PLCL1: variants seen among roughly 807,000 people sequenced by gnomAD.
PLCL1 encodes the protein inactive phospholipase C-like protein 1.
In PLCL1, 41 loss-of-function variants were observed where a neutral mutation model predicts 84.4. The ratio of observed to expected loss-of-function variants is 0.49; its 90% CI spans 0.38 to 0.63. The LOEUF is 0.63. PLCL1 is among the 30% of genes least tolerant of loss of function. PLCL1 has a pLI of 0.00. For synonymous variants in PLCL1, 490 were observed against 488.3 expected, an observed-to-expected ratio of 1.00 and a Z score of -0.05; for missense variants, 1,206 against 1,367.8, an observed-to-expected ratio of 0.88 and a Z score of 1.87.
intron 1 of PLCL1, among the ~76,000 whole-genome samples, chr2:197,836,446 CAAAAAAAAAA>C (rs35510400): frequency 2.9e-5 from 1 of 34,534 alleles, no homozygotes; most frequent in Non-Finnish European, 5.2e-5. Flanking sequence ...GACTCCGTCT[CAAAAAAAAAA>C]AAAAAAAAAA....
intron 1 of PLCL1, among the ~76,000 whole-genome samples, chr2:198,066,143 G>A (rs1574285792): frequency 6.6e-6 from 1 of 152,080 alleles, no homozygotes; most frequent in East Asian, 1.9e-4. Context: ...ACTTTCAAAG[G>A]TCACTGCTAA....
chr2:197,898,184 A>AC (rs947814132), intron 1 of PLCL1, among the ~76,000 whole-genome samples: 4 of 152,156 alleles, frequency 2.6e-5, no homozygotes, highest in African/African-American at 9.7e-5. Context: ...TGATCTGAAC[A>AC]CCAAGTGTAG....
intron 5 of PLCL1, among the ~76,000 whole-genome samples, chr2:198,123,860 G>A (rs1163587601): frequency 6.6e-6 from 1 of 152,046 alleles, no homozygotes; most frequent in Non-Finnish European, 1.5e-5. Flanking sequence ...AGGATCTGAG[G>A]TGGAACAGTT....
At chr2:197,968,855 A>G (rs953410860) in intron 1 of PLCL1, among the ~76,000 whole-genome samples, 4 of 152,168 alleles carry the variant, frequency 2.6e-5, no homozygotes, top group African/African-American at 2.4e-5. Flanking sequence ...AATGTTCTGG[A>G]TGATCTGATG....
chr2:197,947,387 C>A (rs558976230), intron 1 of PLCL1, among the ~76,000 whole-genome samples: 7 of 151,904 alleles, frequency 4.6e-5, no homozygotes, highest in Middle Eastern at 6.8e-3. Context: ...TCAGTAGGGG[C>A]CTGGTGTGGG....
chr2:198,086,082 G>A lies in PLCL1; in HGVS notation c.2565G>A (p.Lys855=). ...IAITNRSGGG[K]AQKRSLSVRM... ...TAACTAATCGAAGTGGAGGAGGAAA[G>A]GCACAGAAGCGCAGTCTTTCAGTGA... Residue 855 remains lysine, a synonymous_variant, in exon 2 of 6, where the codon AAG becomes AAA. Transcript: ENST00000428675. 6.2e-7 allele frequency: 1 copy of A among 1,614,104 alleles called. No individual in the cohort carries two copies. Among genetic ancestry groups the A allele is most frequent in the Non-Finnish European group, 8.5e-7 (1 of 1,180,006 alleles).
At chr2:198,096,018 T>C (rs893456520) in intron 3 of PLCL1, among the ~76,000 whole-genome samples, 1 of 152,208 alleles carries the variant, frequency 6.6e-6, no homozygotes, top group Non-Finnish European at 1.5e-5. Flanking sequence ...ATTTTGTATA[T>C]GTCTTTAGGC....
chr2:198,021,559 G>T (rs190055266), intron 1 of PLCL1, among the ~76,000 whole-genome samples: 96 of 152,234 alleles, frequency 6.3e-4, no homozygotes, highest in Admixed American at 1.5e-3. Context: ...TGATAAAGGG[G>T]AGATCACCAC....
In PLCL1 at chr2:197,998,175, ATGTGTGTGTGTGTGTGTGTG is replaced by A. The variant is rs58332002; in HGVS notation, c.241-85560_241-85541del. 6.1e-5 allele frequency among the ~76,000 whole-genome samples: 8 copies of A among 131,884 alleles called. No individual in the cohort carries two copies. In the South Asian group the frequency reaches 8.6e-4, roughly 14 times the overall value. 86.5% of individuals were successfully genotyped at this position (131,884 alleles called of 152,430 possible). ...GAGTTTCCTTGAGAAGAATGGAGCTATGTGTGTGTGTGTGTGTGTGTGTGTGTGTGTGTGTGTGTGTGATA... is the reference window on the plus strand; with the variant it reads ...GAGTTTCCTTGAGAAGAATGGAGCTATGTGTGTGTGTGTGTGTGTGTGATA... On this transcript the variant is annotated intron_variant, in intron 1 of 5. Coordinates refer to ENST00000428675, the MANE Select transcript of PLCL1 (RefSeq NM_006226.4).
At chr2:198,062,483 T>A (rs1266940971) in intron 1 of PLCL1, among the ~76,000 whole-genome samples, 2 of 152,196 alleles carry the variant, frequency 1.3e-5, no homozygotes, top group African/African-American at 4.8e-5. Flanking sequence ...CTTAACACAT[T>A]TAAAGTGGTG....
At chr2:197,858,870 T>G (rs542669049) in intron 1 of PLCL1, among the ~76,000 whole-genome samples, 25 of 152,212 alleles carry the variant, frequency 1.6e-4, no homozygotes, top group African/African-American at 6.0e-4. Flanking sequence ...AGAGAGTAGG[T>G]GATCTAAGAT....
At chr2:197,819,652 AT>A (rs1490426782) in intron 1 of PLCL1, among the ~76,000 whole-genome samples, 7 of 152,122 alleles carry the variant, frequency 4.6e-5, no homozygotes, top group Non-Finnish European at 1.0e-4. Context: ...CTTTCAGAGA[AT>A]CATTAAAATG....
chr2:197,906,677 A>G (rs1349564136), intron 1 of PLCL1, among the ~76,000 whole-genome samples: 3 of 152,102 alleles, frequency 2.0e-5, no homozygotes, highest in Non-Finnish European at 4.4e-5. Flanking sequence ...CACGATGTTG[A>G]TTCTTCCTAT....
chr2:198,029,656 A>C (rs1166562296), intron 1 of PLCL1, among the ~76,000 whole-genome samples: 1 of 151,646 alleles, frequency 6.6e-6, no homozygotes, highest in Non-Finnish European at 1.5e-5. Flanking sequence ...TCTTCCAGCC[A>C]TGTCTCTTCC....
At position 197,982,679 on chromosome 2, in the gene PLCL1, C is replaced by T. The variant is rs192161705; in HGVS notation, c.241-101079C>T. Among the ~76,000 whole-genome samples, 21 of 152,266 alleles carry T rather than the reference C, an allele frequency of 1.4e-4. No individual in the cohort carries two copies. The South Asian group carries it at 1.5e-3, about 11-fold the overall frequency. On this transcript the variant is annotated intron_variant, in intron 1 of 5. Coordinates refer to ENST00000428675, the MANE Select transcript of PLCL1 (RefSeq NM_006226.4). ...TATATCACTTCACATTTTAAGTGGA[C>T]CTTACCATTGTTTTTGCCTCCTTTT... is the stretch of plus-strand genomic sequence containing the variant.
chr2:197,874,726 C>T (rs183733140), intron 1 of PLCL1, among the ~76,000 whole-genome samples: 140 of 152,112 alleles, frequency 9.2e-4, no homozygotes, highest in African/African-American at 3.3e-3. Flanking sequence ...ATTCAATTTG[C>T]ATATGGTACA....
chr2:197,992,025 G>T (rs770584605), intron 1 of PLCL1, among the ~76,000 whole-genome samples: 7 of 151,676 alleles, frequency 4.6e-5, no homozygotes, highest in African/African-American at 7.3e-5. Flanking sequence ...GAGGCCCCTT[G>T]CTTGCTTCTC....
At chr2:198,031,579 C>G (rs1032415913) in intron 1 of PLCL1, among the ~76,000 whole-genome samples, 1 of 151,524 alleles carries the variant, frequency 6.6e-6, no homozygotes, top group Non-Finnish European at 1.5e-5. Context: ...CAGCCTTGAC[C>G]TCCTGGGCTC....
At chr2:198,068,776 C>A (rs913719820) in intron 1 of PLCL1, among the ~76,000 whole-genome samples, 1 of 152,212 alleles carries the variant, frequency 6.6e-6, no homozygotes, top group Admixed American at 6.5e-5. Context: ...AATCCCAGCA[C>A]TTTGGGAGGC....
Sources: allele counts gnomAD v4.1 joint callset (sites outside exome capture counted in the v4.1 genomes callset), GRCh38; gene constraint gnomAD v4.1.1; transcripts MANE v1.5; gene names NCBI Gene and HGNC (gene_info 2026-07-23, HGNC 2026-07-21).